ARL9: variants seen among roughly 807,000 people sequenced by gnomAD.
The protein encoded by ARL9 is ADP-ribosylation factor-like protein 9.
Under a neutral mutation model 27.0 loss-of-function variants are expected in ARL9, and 14 were observed. That is an observed-to-expected ratio of 0.52 (90% CI 0.34 to 0.81). The LOEUF is 0.81. Among genes scored for constraint, ARL9 ranks in the 30% least tolerant of loss-of-function variants. The pLI is 0.01. For synonymous variants in ARL9, 106 were observed against 108.7 expected (o/e 0.98, Z 0.15); for missense variants, 294 against 290.0 (o/e 1.01, Z -0.10).
intron 2 of ARL9, among the ~76,000 whole-genome samples, chr4:56,516,977 AC>A (rs1721783184): frequency 1.3e-5 from 2 of 152,196 alleles, no homozygotes; most frequent in South Asian, 4.1e-4. Context: ...TGTAGAGGAA[AC>A]TTACTGGCTA....
chr4:56,516,478 GACAACATAA>G (rs1721768341), intron 2 of ARL9, among the ~76,000 whole-genome samples: 1 of 141,890 alleles, frequency 7.0e-6, no homozygotes, highest in Admixed American at 7.5e-5. Flanking sequence ...TACAAATAAA[GACAACATAA>G]AAACATTGGC....
Position 56,518,779 on chromosome 4 carries a change from G to A in ARL9, c.544G>A (p.Glu182Lys). The change falls in exon 3 of 4, where the codon GAA (glutamate) becomes AAA (lysine). Residue 182 changes from glutamate to lysine, a missense_variant. Glu to Lys is a moderately conservative substitution (Grantham distance 56). Transcript: ENST00000640821. ...VDSADHSRLP[E>K]AKKYLHQLIA... The stretch of plus-strand genomic sequence containing the variant: ...TTCAGCAGATCACAGCCGATTACCT[G>A]AAGCCAAGAAATACCTTCATCAGCT... The A allele has an allele frequency of 6.2e-7, 1 of 1,613,980 alleles. No homozygotes were observed.
chr4:56,513,761 C>T (rs899945214), intron 2 of ARL9, among the ~76,000 whole-genome samples: 1 of 152,150 alleles, frequency 6.6e-6, no homozygotes, highest in East Asian at 1.9e-4. Flanking sequence ...AACTAAGATG[C>T]CTGCATGACA....
chr4:56,523,656 A>G, intron 3 of ARL9, 41 bp from the exon 4 acceptor site: 1 of 1,541,482 alleles, frequency 6.5e-7, no homozygotes, highest in Non-Finnish European at 8.8e-7. Flanking sequence ...GGATTGCAAA[A>G]TAACCAACTT....
chr4:56,510,499 A>T (rs764632014), intron 1 of ARL9, among the ~76,000 whole-genome samples: 5 of 152,196 alleles, frequency 3.3e-5, no homozygotes, highest in Non-Finnish European at 7.3e-5. Flanking sequence ...TGCACCACGG[A>T]GGTCCCAAGA....
intron 2 of ARL9, among the ~76,000 whole-genome samples, chr4:56,514,970 C>A (rs925335232): frequency 2.0e-5 from 3 of 152,166 alleles, no homozygotes; most frequent in African/African-American, 4.8e-5. Context: ...TGAAAAATAG[C>A]CAGGTGTGGT....
In ARL9 at chr4:56,511,348, G is replaced by A; in HGVS notation, c.442+1G>A. ...GACAGCCAGATGGAGTTCCTGGAGA[G>A]TAAGCTCTCTGTTCCTTAGTTATAA... is the stretch of plus-strand genomic sequence containing the variant. On this transcript the variant is annotated splice_donor_variant, in intron 2 of 3. Transcript: ENST00000640821. LOFTEE classifies it high-confidence loss of function. 1 of 1,610,984 alleles carries A rather than the reference G, an allele frequency of 6.2e-7. No individual in the cohort carries two copies. Among genetic ancestry groups the A allele is most frequent in the South Asian group, 1.1e-5 (1 of 90,424 alleles).
intron 2 of ARL9, among the ~76,000 whole-genome samples, chr4:56,514,618 T>G (rs867413555): frequency 6.6e-6 from 1 of 152,236 alleles, no homozygotes; most frequent in South Asian, 2.1e-4. Flanking sequence ...CTTAGGAAAA[T>G]GGACTCAATA....
At chr4:56,523,506 A>G (rs1288413883) in intron 3 of ARL9, among the ~76,000 whole-genome samples, 191 bp from the exon 4 acceptor site, 2 of 152,200 alleles carry the variant, frequency 1.3e-5, no homozygotes, top group African/African-American at 2.4e-5. Context: ...TAACTCATAA[A>G]TGCTGGCATA....
At chr4:56,519,227 A>G (rs1048630552) in intron 3 of ARL9, among the ~76,000 whole-genome samples, 1 of 152,202 alleles carries the variant, frequency 6.6e-6, no homozygotes, top group Non-Finnish European at 1.5e-5. Flanking sequence ...TATTAAATAT[A>G]TGTGGAGAAT....
chr4:56,511,502 C>T (rs1264961829), intron 2 of ARL9, among the ~76,000 whole-genome samples, 155 bp downstream of exon 2: 1 of 152,220 alleles, frequency 6.6e-6, no homozygotes, highest in East Asian at 1.9e-4. Context: ...CCCAGGTACA[C>T]TGTGGGGGGA....
In ARL9 at chr4:56,524,029, G is replaced by T; in HGVS notation, c.*153G>T. The T allele has an allele frequency of 1.7e-6, 1 of 581,490 alleles. No homozygotes were observed. Among genetic ancestry groups the T allele is most frequent in the Middle Eastern group, 4.9e-4 (1 of 2,038 alleles). The allele number at this position is 581,490 out of a possible 1,614,324, so 36.0% of individuals were successfully genotyped here. A position where few individuals can be genotyped will look rare whatever the true frequency, so the allele number is the denominator to read the frequency against. ...TATATAGTTAGCCCTCCATATCCAT[G>T]GGTTCCACATCTGGGGATTCAAGAA... On this transcript the variant is annotated 3_prime_UTR_variant, in exon 4 of 4. Coordinates refer to ENST00000640821, the MANE Select transcript of ARL9 (RefSeq NM_001363794.2).
chr4:56,523,794 T>G lies in ARL9; in HGVS notation c.716T>G (p.Leu239Arg), dbSNP rs767411788. ...AAGATGTTCTTGTTTGGAACCTACC[T>G]GACTAAGAATGGCTCAGAGATACCC... Reference protein sequence around the residue: ...DRKMFLFGTYLTKNGSEIPST... With the variant: ...DRKMFLFGTYRTKNGSEIPST... The change falls in exon 4 of 4, where the codon CTG (leucine) becomes CGG (arginine). Residue 239 changes from leucine (L) to arginine (R), a missense_variant. Coordinates refer to ENST00000640821, the MANE Select transcript of ARL9 (RefSeq NM_001363794.2). 4 of 1,613,720 alleles carry G rather than the reference T, an allele frequency of 2.5e-6. No homozygotes were observed. In the African/African-American group the frequency reaches 5.3e-5, roughly 22 times the overall value.
At chr4:56,514,449 T>A (rs938678716) in intron 2 of ARL9, among the ~76,000 whole-genome samples, 1 of 152,146 alleles carries the variant, frequency 6.6e-6, no homozygotes, top group Admixed American at 6.5e-5. Flanking sequence ...TCTGGTGAAA[T>A]TCATTAAGGA....
intron 2 of ARL9, among the ~76,000 whole-genome samples, chr4:56,512,538 CTTTTT>C (rs34744797): frequency 3.1e-5 from 4 of 130,068 alleles, no homozygotes; most frequent in Non-Finnish European, 3.2e-5. Context: ...ATCAATCATT[CTTTTT>C]TTTTTTTTTT....
intron 2 of ARL9, among the ~76,000 whole-genome samples, chr4:56,515,845 A>T (rs1721753741): frequency 1.3e-5 from 2 of 152,210 alleles, no homozygotes; most frequent in Non-Finnish European, 2.9e-5. Flanking sequence ...ATAGGTAGAC[A>T]TTATATCAAA....
intron 3 of ARL9, among the ~76,000 whole-genome samples, chr4:56,519,422 T>A (rs1560699422): frequency 6.6e-6 from 1 of 152,118 alleles, no homozygotes; most frequent in Non-Finnish European, 1.5e-5. Flanking sequence ...CCATCCTGGC[T>A]AACATGGTGA....
chr4:56,506,100 A>G lies in ARL9; in HGVS notation c.238A>G (p.Asn80Asp). 1.6e-6 allele frequency: 2 copies of G among 1,233,852 alleles called. No individual in the cohort carries two copies. The highest frequency in any genetic ancestry group is 2.0e-6 in the Non-Finnish European group (2 of 989,394). The allele number at this position is 1,233,852 out of a possible 1,614,324, so 76.4% of individuals were successfully genotyped here. The change falls in exon 1 of 4, where the codon AAC becomes GAC. Residue 80 changes from asparagine (N) to aspartate (D), a missense_variant. Asn to Asp is a conservative substitution (Grantham distance 23). Transcript: ENST00000640821. ...QFKGQEEKGE[N>D]KDSTLTRTPL... ...TAAGGGACAAGAAGAGAAAGGGGAG[A>G]ACAAGGACAGCACCTTGACAAGGAC...
chr4:56,506,876 G>A (rs1022335957), intron 1 of ARL9, among the ~76,000 whole-genome samples: 2 of 151,184 alleles, frequency 1.3e-5, no homozygotes, highest in Non-Finnish European at 2.9e-5. Flanking sequence ...CAGGCTGGAG[G>A]GATCCTCCCA....
Sources: allele counts gnomAD v4.1 joint callset (sites outside exome capture counted in the v4.1 genomes callset), GRCh38; gene constraint gnomAD v4.1.1; transcripts MANE v1.5; gene names NCBI Gene and HGNC (gene_info 2026-07-23, HGNC 2026-07-21).